Variants in RIMKLB observed in about 807,000 individuals in gnomAD.
The protein encoded by RIMKLB is beta-citrylglutamate synthase B.
RIMKLB carries 7 observed loss-of-function variants against 32.0 expected under a neutral mutation model. The observed-to-expected ratio is 0.22, with a 90% CI of 0.12 to 0.41. RIMKLB has a LOEUF of 0.41. Among genes scored for constraint, RIMKLB ranks in the 10% least tolerant of loss-of-function variants. The pLI is 1.00. For missense variants in RIMKLB, 289 were observed against 498.7 expected (o/e 0.58, Z 4.00); for synonymous variants, 172 against 185.1 (o/e 0.93, Z 0.57).
At chr12:8,724,486 G>A (rs1945787315) in intron 2 of RIMKLB, among the ~76,000 whole-genome samples, 1 of 152,142 alleles carries the variant, frequency 6.6e-6, no homozygotes. Flanking sequence ...TCGTGTTTGT[G>A]TAATTGGTGA....
chr12:8,724,277 T>C (rs2137147280), intron 2 of RIMKLB, among the ~76,000 whole-genome samples: 1 of 152,356 alleles, frequency 6.6e-6, no homozygotes, highest in Admixed American at 6.5e-5. Context: ...TGATTCTCTT[T>C]GTTGAACATC....
At chr12:8,743,883 TAAGTC>T (rs1229206736) in intron 2 of RIMKLB, among the ~76,000 whole-genome samples, 1 of 151,998 alleles carries the variant, frequency 6.6e-6, no homozygotes, top group Non-Finnish European at 1.5e-5. Flanking sequence ...ATTTCAGTAT[TAAGTC>T]AACAAGCTAG....
exon 1 of RIMKLB, chr12:8,681,802 T>A (rs964904630): frequency 1.3e-5 from 2 of 152,224 alleles, no homozygotes; most frequent in Admixed American, 6.5e-5. Flanking sequence ...TGGCTGTTCA[T>A]CTTCCATAAT....
At chr12:8,714,402 C>T (rs1944632549) in intron 2 of RIMKLB, among the ~76,000 whole-genome samples, 1 of 152,098 alleles carries the variant, frequency 6.6e-6, no homozygotes, top group South Asian at 2.1e-4. Context: ...AAAGATGATT[C>T]TCAAGTTCCT....
intron 5 of RIMKLB, among the ~76,000 whole-genome samples, chr12:8,770,252 C>T (rs573683437): frequency 2.3e-4 from 35 of 152,160 alleles, no homozygotes; most frequent in East Asian, 5.8e-4. Flanking sequence ...CATGAGCCAC[C>T]GCGCCTGGCC....
chr12:8,722,618 A>C (rs1384807250), intron 2 of RIMKLB, among the ~76,000 whole-genome samples: 1 of 152,200 alleles, frequency 6.6e-6, no homozygotes, highest in Non-Finnish European at 1.5e-5. Flanking sequence ...CTTTAAAGCC[A>C]GTTATGGACT....
intron 2 of RIMKLB, among the ~76,000 whole-genome samples, chr12:8,732,417 T>A (rs918987139): frequency 2.0e-5 from 3 of 152,210 alleles, no homozygotes; most frequent in Non-Finnish European, 4.4e-5. Flanking sequence ...ACAGTCACGC[T>A]TTCCTATTCC....
upstream of RIMKLB, among the ~76,000 whole-genome samples, chr12:8,692,575 A>G (rs761387381): frequency 1.3e-5 from 2 of 152,210 alleles, no homozygotes; most frequent in Non-Finnish European, 2.9e-5. Flanking sequence ...AACCTGTATC[A>G]TGTTTCTTGC....
chr12:8,779,604 C>T (rs1950918460), downstream of RIMKLB: 1 of 152,104 alleles, frequency 6.6e-6, no homozygotes, highest in Non-Finnish European at 1.5e-5. Context: ...GTTTTATTTC[C>T]TGATTTTTTT....
intron 2 of RIMKLB, among the ~76,000 whole-genome samples, chr12:8,720,386 A>G (rs1457228758): frequency 6.6e-6 from 1 of 152,150 alleles, no homozygotes; most frequent in African/African-American, 2.4e-5. Context: ...AATATTTGAG[A>G]AACTTTTATG....
intron 5 of RIMKLB, among the ~76,000 whole-genome samples, chr12:8,757,469 T>G (rs950344471): frequency 2.7e-5 from 3 of 110,302 alleles, no homozygotes; most frequent in African/African-American, 1.5e-4. Flanking sequence ...AGACCCTGTC[T>G]CAAAAAAAAA....
At chr12:8,742,461 A>G (rs11047012) in intron 2 of RIMKLB, 6,042 of 399,048 alleles carry the variant, frequency 0.015, 446 homozygotes, top group African/African-American at 0.12. Flanking sequence ...CAAAGAGCAC[A>G]TGGAGGAGGA....
At chr12:8,743,767 A>ACC (rs1947813061) in intron 2 of RIMKLB, among the ~76,000 whole-genome samples, 1 of 151,744 alleles carries the variant, frequency 6.6e-6, no homozygotes, top group Non-Finnish European at 1.5e-5. Context: ...TTGCTTCCCC[A>ACC]CCCCATTGCT....
At chr12:8,718,657 A>ATGTGTGTGTGTG (rs1394689486) in intron 2 of RIMKLB, among the ~76,000 whole-genome samples, 85 of 133,602 alleles carry the variant, frequency 6.4e-4, no homozygotes, top group African/African-American at 2.5e-3. Context: ...CTCTCTCTAT[A>ATGTGTGTGTGTG]TATATATATA....
intron 3 of RIMKLB, 139 bp downstream of exon 3, chr12:8,750,231 A>G (rs1948500522): frequency 1.9e-6 from 1 of 532,814 alleles, no homozygotes; most frequent in Non-Finnish European, 3.3e-6. Flanking sequence ...TATAAATTAT[A>G]TCTTAAGATT....
At chr12:8,741,923 C>CTTTTTTTTTTTTT (rs145008488) in intron 2 of RIMKLB, among the ~76,000 whole-genome samples, 2 of 146,794 alleles carry the variant, frequency 1.4e-5, no homozygotes, top group African/African-American at 5.2e-5. Context: ...AAAAGGAGAG[C>CTTTTTTTTTTTTT]TTTTTTTTTT....
At chr12:8,705,779 G>A (rs1045071006) in intron 1 of RIMKLB, among the ~76,000 whole-genome samples, 10 of 152,190 alleles carry the variant, frequency 6.6e-5, no homozygotes, top group African/African-American at 2.2e-4. Context: ...AGGACTTGAT[G>A]TTGCAGTCTT....
At chr12:8,703,572 C>T (rs1943596944) in intron 1 of RIMKLB, among the ~76,000 whole-genome samples, 1 of 152,158 alleles carries the variant, frequency 6.6e-6, no homozygotes, top group African/African-American at 2.4e-5. Context: ...TGTCCTCCTA[C>T]TTCAGCCTCC....
chr12:8,685,651 T>A (rs781311975), intron 1 of RIMKLB, among the ~76,000 whole-genome samples: 2 of 152,282 alleles, frequency 1.3e-5, no homozygotes, highest in South Asian at 4.1e-4. Context: ...GCTCTTTCAT[T>A]TCTTACTTTT....
Sources: allele counts gnomAD v4.1 joint callset (sites outside exome capture counted in the v4.1 genomes callset), GRCh38; gene constraint gnomAD v4.1.1; transcripts MANE v1.5; gene names NCBI Gene and HGNC (gene_info 2026-07-23, HGNC 2026-07-21).